The following ADGRL2 variants were observed in gnomAD, a reference collection of about 807,000 sequenced individuals.
ADGRL2 encodes the protein adhesion G protein-coupled receptor L2.
Under a neutral mutation model 157.4 loss-of-function variants are expected in ADGRL2, and 44 were observed. The observed-to-expected ratio is 0.28, with a 90% CI of 0.22 to 0.36. ADGRL2 has a LOEUF of 0.36. Among genes scored for constraint, ADGRL2 ranks in the 10% least tolerant of loss-of-function variants. ADGRL2 has a pLI of 1.00. For synonymous variants in ADGRL2, 585 were observed against 624.7 expected (o/e 0.94, Z 0.95); for missense variants, 1,510 against 1,768.9 (o/e 0.85, Z 2.63).
chr1:81,747,742 A>G (rs1420078289), intron 1 of ADGRL2, among the ~76,000 whole-genome samples: 1 of 148,726 alleles, frequency 6.7e-6, no homozygotes, highest in Non-Finnish European at 1.5e-5. Flanking sequence ...TGTGTAAGAG[A>G]CAGAGAGAGA....
At chr1:81,758,369 C>T (rs993567602) in intron 1 of ADGRL2, among the ~76,000 whole-genome samples, 46 of 152,234 alleles carry the variant, frequency 3.0e-4, no homozygotes, top group African/African-American at 1.0e-3. Flanking sequence ...CATTCCTCAC[C>T]TCTACTCACT....
intron 1 of ADGRL2, among the ~76,000 whole-genome samples, chr1:81,823,381 C>T (rs1423237590): frequency 8.2e-6 from 1 of 121,532 alleles, no homozygotes; most frequent in African/African-American, 3.0e-5. Context: ...CCCCCTCCCT[C>T]TTTCCTTCCC....
chr1:81,935,783 T>G (rs2095302181), intron 3 of ADGRL2, among the ~76,000 whole-genome samples: 1 of 145,236 alleles, frequency 6.9e-6, no homozygotes, highest in Admixed American at 7.1e-5. Context: ...GAAATAGTTC[T>G]TGCCTTTACA....
chr1:81,538,360 A>C (rs1570430893), intron 2 of ADGRL2, among the ~76,000 whole-genome samples: 1 of 152,136 alleles, frequency 6.6e-6, no homozygotes, highest in Admixed American at 6.5e-5. Flanking sequence ...GCCATCTTCA[A>C]CTGTGGCTTT....
Position 81,651,073 on chromosome 1 carries a change from G to A in ADGRL2, c.-143+70093G>A, listed in dbSNP as rs954440699. On this transcript the variant is annotated intron_variant, in intron 3 of 24. Transcript: ENST00000370721. ...AAAATTACAGAAAAATCCAAGCTGT[G>A]TGGAGTTTAAGGGAGATCAGAATAG... Among the ~76,000 whole-genome samples, 30 of 152,166 alleles carry A rather than the reference G, an allele frequency of 2.0e-4. 1 individual carries two copies. Among genetic ancestry groups the A allele is most frequent in the African/African-American group, 6.5e-4 (27 of 41,446 alleles).
Position 81,528,646 on chromosome 1 carries a change from CAAAAAAAAAAAAAA to C in ADGRL2, c.-247-52214_-247-52201del, listed in dbSNP as rs59842382. Among the ~76,000 whole-genome samples, 1,001 of 114,658 alleles carry C rather than the reference CAAAAAAAAAAAAAA, an allele frequency of 8.7e-3. 9 individuals are homozygous for C. Among genetic ancestry groups the C allele is most frequent in the Non-Finnish European group, 0.014 (787 of 56,424 alleles). The allele number at this position is 114,658 out of a possible 152,430, so 75.2% of individuals were successfully genotyped here. A position where few individuals can be genotyped will look rare whatever the true frequency, so the allele number is the denominator to read the frequency against. ...TGGGCAAAAAAGTGAGACTCCATCTCAAAAAAAAAAAAAAAAAAAAAAAAAAAAAGAAAAAGAAA... is the reference window on the plus strand; with the variant it reads ...TGGGCAAAAAAGTGAGACTCCATCTCAAAAAAAAAAAAAAAGAAAAAGAAA... On this transcript the variant is annotated intron_variant, in intron 2 of 24. Transcript: ENST00000370721.
At chr1:81,329,100 A>C (rs1219284561) in intron 1 of ADGRL2, among the ~76,000 whole-genome samples, 1 of 152,068 alleles carries the variant, frequency 6.6e-6, no homozygotes, top group African/African-American at 2.4e-5. Flanking sequence ...CACGATTATA[A>C]GCCATCCATG....
chr1:81,757,977 C>G (rs139316707), intron 1 of ADGRL2, among the ~76,000 whole-genome samples: 4 of 152,252 alleles, frequency 2.6e-5, no homozygotes, highest in African/African-American at 9.6e-5. Context: ...TTCCAAGGAA[C>G]ATAAACTAGA....
intron 1 of ADGRL2, among the ~76,000 whole-genome samples, chr1:81,752,253 G>A (rs1035313873): frequency 3.9e-5 from 6 of 152,318 alleles, no homozygotes; most frequent in Admixed American, 3.9e-4. Context: ...GACATTGAAT[G>A]TGCAGGCAAT....
At chr1:81,647,646 C>G (rs1319119949) in intron 3 of ADGRL2, among the ~76,000 whole-genome samples, 1 of 152,110 alleles carries the variant, frequency 6.6e-6, no homozygotes, top group African/African-American at 2.4e-5. Context: ...CATTTCTGGT[C>G]CCAAGCATTT....
chr1:81,901,742 A>G (rs2094491668), intron 2 of ADGRL2, among the ~76,000 whole-genome samples: 1 of 152,196 alleles, frequency 6.6e-6, no homozygotes, highest in Non-Finnish European at 1.5e-5. Context: ...ACTAATTGCA[A>G]TAATTTTATT....
intron 11 of ADGRL2, among the ~76,000 whole-genome samples, chr1:81,963,113 T>A (rs1186558245): frequency 6.6e-6 from 1 of 152,010 alleles, no homozygotes; most frequent in Non-Finnish European, 1.5e-5. Flanking sequence ...ATTTTTCTTA[T>A]TTTTAGTGTC....
chr1:81,802,331 C>CCG (rs1389322142), intron 1 of ADGRL2, among the ~76,000 whole-genome samples: 1 of 152,038 alleles, frequency 6.6e-6, no homozygotes, highest in Non-Finnish European at 1.5e-5. Flanking sequence ...GCGCAGGGAG[C>CCG]CGCGGGTTAA....
intron 2 of ADGRL2, among the ~76,000 whole-genome samples, chr1:81,524,098 C>T (rs1410198319): frequency 3.4e-5 from 5 of 147,256 alleles, no homozygotes; most frequent in East Asian, 2.0e-4. Flanking sequence ...CAGTGGCTCA[C>T]GCCTGTAATC....
chr1:81,671,429 A>G (rs1212050657), intron 3 of ADGRL2, among the ~76,000 whole-genome samples: 2 of 152,180 alleles, frequency 1.3e-5, no homozygotes, highest in Non-Finnish European at 2.9e-5. Flanking sequence ...TGTTTCTCAA[A>G]CTTAATGTGC....
chr1:81,436,618 A>C (rs966535756), intron 1 of ADGRL2, among the ~76,000 whole-genome samples: 6 of 152,212 alleles, frequency 3.9e-5, no homozygotes, highest in Non-Finnish European at 5.9e-5. Flanking sequence ...CAATATGGGG[A>C]AAGCAGAGGC....
chr1:81,315,885 A>C (rs2100582434), intron 1 of ADGRL2, among the ~76,000 whole-genome samples: 1 of 152,262 alleles, frequency 6.6e-6, no homozygotes, highest in African/African-American at 2.4e-5. Flanking sequence ...TTTTGTCCAT[A>C]AGTCAACTTG....
chr1:81,422,158 A>C (rs1391951011), intron 1 of ADGRL2, among the ~76,000 whole-genome samples: 1 of 149,788 alleles, frequency 6.7e-6, no homozygotes, highest in African/African-American at 2.4e-5. Flanking sequence ...CTTCCAAAAA[A>C]TATCCACATA....
chr1:81,657,009 CAAA>C (rs11383698), intron 3 of ADGRL2, among the ~76,000 whole-genome samples: 21 of 109,250 alleles, frequency 1.9e-4, no homozygotes, highest in Admixed American at 4.1e-4. Flanking sequence ...GACCCTGTCT[CAAA>C]AAAAAAAAAA....
Sources: gnomAD v4.1 joint callset for allele counts (sites outside exome capture counted in the v4.1 genomes callset) on GRCh38, gnomAD v4.1.1 for gene constraint, MANE v1.5 for transcripts, NCBI Gene and HGNC (gene_info 2026-07-23, HGNC 2026-07-21) for gene names.